SPTLC3: variants seen among roughly 807,000 people sequenced by gnomAD.
The protein encoded by SPTLC3 is serine palmitoyltransferase long chain base subunit 3.
SPTLC3 carries 36 observed loss-of-function variants against 59.3 expected under a neutral mutation model. The observed-to-expected ratio is 0.61, with a 90% CI of 0.47 to 0.80. SPTLC3 has a LOEUF of 0.80. SPTLC3 is among the 30% of genes least tolerant of loss of function. SPTLC3 has a pLI of 0.00. For missense variants in SPTLC3, 625 were observed against 685.1 expected (o/e 0.91, Z 0.98); for synonymous variants, 257 against 240.8 (o/e 1.07, Z -0.62).
At chr20:13,093,957 T>C (rs6041850) in intron 6 of SPTLC3, among the ~76,000 whole-genome samples, 11,949 of 152,194 alleles carry the variant, frequency 0.079, 739 homozygotes, top group African/African-American at 0.17. Flanking sequence ...GGTAAAAAAT[T>C]AGCCTGTTCC....
intron 9 of SPTLC3, among the ~76,000 whole-genome samples, chr20:13,133,591 G>A: frequency 6.6e-6 from 1 of 152,124 alleles, no homozygotes; most frequent in East Asian, 1.9e-4. Context: ...AAAATTAGCT[G>A]GGCATGGTGG....
intron 9 of SPTLC3, among the ~76,000 whole-genome samples, chr20:13,152,904 C>G (rs994738062): frequency 1.3e-5 from 2 of 152,140 alleles, no homozygotes; most frequent in Non-Finnish European, 2.9e-5. Context: ...ACCCTATTTC[C>G]ATCTGAAGAG....
At position 13,110,102 on chromosome 20, in the gene SPTLC3, T is replaced by C; in HGVS notation, c.827-10T>C. 1.3e-6 allele frequency: 2 copies of C among 1,582,598 alleles called. No individual in the cohort carries two copies. Among genetic ancestry groups the C allele is most frequent in the Non-Finnish European group, 1.7e-6 (2 of 1,169,682 alleles). The stretch of plus-strand genomic sequence containing the variant: ...CATGACTCAATTTTTTTTTTTGGTA[T>C]TATTTAAAGACACACAAAGCCTAGA... On this transcript the variant is annotated splice_polypyrimidine_tract_variant and intron_variant, in intron 6 of 11. Coordinates refer to ENST00000399002, the MANE Select transcript of SPTLC3 (RefSeq NM_018327.4).
chr20:13,126,810 T>A, intron 9 of SPTLC3, 93 bp downstream of exon 9: 1 of 1,465,734 alleles, frequency 6.8e-7, no homozygotes, highest in Non-Finnish European at 9.1e-7. Context: ...CACCTTTATC[T>A]TATAGAACCC....
At chr20:13,157,981 A>G (rs2038812896) in intron 10 of SPTLC3, among the ~76,000 whole-genome samples, 1 of 152,254 alleles carries the variant, frequency 6.6e-6, no homozygotes, top group Non-Finnish European at 1.5e-5. Flanking sequence ...ATCCTTTTGA[A>G]CAAAGCCTTG....
At chr20:13,097,498 T>TTCTG (rs978015816) in intron 6 of SPTLC3, among the ~76,000 whole-genome samples, 7 of 152,128 alleles carry the variant, frequency 4.6e-5, no homozygotes, top group African/African-American at 1.4e-4. Context: ...AAAAAAATAA[T>TTCTG]AATTCTGAAG....
At chr20:13,118,867 GGCCCT>G (rs1990741230) in intron 8 of SPTLC3, among the ~76,000 whole-genome samples, 1 of 152,228 alleles carries the variant, frequency 6.6e-6, no homozygotes, top group Non-Finnish European at 1.5e-5. Context: ...TCTGGCCACT[GGCCCT>G]GCCATGAAAT....
At chr20:13,113,139 T>C (rs1021836378) in intron 7 of SPTLC3, among the ~76,000 whole-genome samples, 2 of 152,078 alleles carry the variant, frequency 1.3e-5, no homozygotes, top group African/African-American at 4.8e-5. Flanking sequence ...GCCAAGATCA[T>C]GCCACTGCAC....
chr20:13,082,921 C>G (rs1988888044), intron 4 of SPTLC3, among the ~76,000 whole-genome samples: 1 of 152,190 alleles, frequency 6.6e-6, no homozygotes, highest in Non-Finnish European at 1.5e-5. Flanking sequence ...TCAATGTCTG[C>G]TCCTAATTTC....
chr20:13,110,298 C>A, intron 7 of SPTLC3, 81 bp downstream of exon 7: 1 of 1,167,524 alleles, frequency 8.6e-7, no homozygotes, highest in Non-Finnish European at 1.2e-6. Context: ...CCTTTCCTAG[C>A]TAAACAGAGA....
chr20:13,023,213 C>A (rs1254078393), intron 1 of SPTLC3, among the ~76,000 whole-genome samples: 1 of 151,420 alleles, frequency 6.6e-6, no homozygotes, highest in Non-Finnish European at 1.5e-5. Flanking sequence ...AACTTCCTGG[C>A]CCCTTTCCTG....
At chr20:13,157,398 C>A (rs1191758639) in intron 10 of SPTLC3, among the ~76,000 whole-genome samples, 1 of 152,002 alleles carries the variant, frequency 6.6e-6, no homozygotes, top group Non-Finnish European at 1.5e-5. Flanking sequence ...GATCATACCA[C>A]TGCACTCCAG....
intron 2 of SPTLC3, among the ~76,000 whole-genome samples, chr20:13,057,555 T>C (rs140915373): frequency 6.6e-6 from 1 of 152,282 alleles, no homozygotes; most frequent in East Asian, 1.9e-4. Flanking sequence ...CTGAAATTGG[T>C]TCCCAAACAT....
intron 1 of SPTLC3, among the ~76,000 whole-genome samples, chr20:13,048,559 C>T (rs1157801125): frequency 6.6e-6 from 1 of 152,118 alleles, no homozygotes; most frequent in African/African-American, 2.4e-5. Flanking sequence ...GAATATTACA[C>T]ATAACAGGAG....
rs1177639028 is a variant in SPTLC3 at position 13,080,437 on chromosome 20, G to A, written c.607+5940G>A. 3.4e-5 allele frequency among the ~76,000 whole-genome samples: 5 copies of A among 149,110 alleles called. No individual in the cohort carries two copies. In the South Asian group the frequency reaches 1.1e-3, roughly 32 times the overall value. On this transcript the variant is annotated intron_variant, in intron 4 of 11. Coordinates refer to ENST00000399002, the MANE Select transcript of SPTLC3 (RefSeq NM_018327.4). ...GCAGGAAAATCGCTTGAACCCGGGA[G>A]TCAGAGGTTGCAGTGAGCCGAGATT...
At chr20:13,077,889 C>T (rs1383825734) in intron 4 of SPTLC3, among the ~76,000 whole-genome samples, 1 of 151,488 alleles carries the variant, frequency 6.6e-6, no homozygotes, top group South Asian at 2.1e-4. Context: ...TCTAGTGATC[C>T]TCCTGCCTCA....
chr20:13,014,687 C>A (rs1191543042), intron 1 of SPTLC3, among the ~76,000 whole-genome samples: 2 of 151,682 alleles, frequency 1.3e-5, no homozygotes, highest in Admixed American at 1.3e-4. Flanking sequence ...GGAAGGAAGC[C>A]GATACGCTCA....
chr20:13,091,408 A>C (rs1490476691), intron 5 of SPTLC3, among the ~76,000 whole-genome samples: 1 of 151,998 alleles, frequency 6.6e-6, no homozygotes, highest in Non-Finnish European at 1.5e-5. Flanking sequence ...CCCCGTCTCT[A>C]CTAAAAATAA....
Position 13,110,127 on chromosome 20 carries a change from A to T in SPTLC3, c.842A>T (p.Glu281Val), listed in dbSNP as rs1990142714. ...TTATTTAAAGACACACAAAGCCTAGAGAAGCTCCTGAGAGATGCTGTCATC... is the reference window on the plus strand; with the variant it reads ...TTATTTAAAGACACACAAAGCCTAGTGAAGCTCCTGAGAGATGCTGTCATC... ...IFKHNNTQSL[E>V]KLLRDAVIYG... The change falls in exon 7 of 12, where the codon GAG becomes GTG. Residue 281 changes from glutamate (E) to valine (V), a missense_variant. Physicochemically the swap from Glu to Val is moderately radical, Grantham distance 121. Coordinates refer to ENST00000399002, the MANE Select transcript of SPTLC3 (RefSeq NM_018327.4). 1 of 1,612,232 alleles carries T rather than the reference A, an allele frequency of 6.2e-7. No homozygotes were observed. The highest frequency in any genetic ancestry group is 1.3e-5 in the African/African-American group (1 of 74,732).
Sources: gnomAD v4.1 joint callset for allele counts (sites outside exome capture counted in the v4.1 genomes callset) on GRCh38, gnomAD v4.1.1 for gene constraint, MANE v1.5 for transcripts, NCBI Gene and HGNC (gene_info 2026-07-23, HGNC 2026-07-21) for gene names.